PALS2: variants seen among roughly 807,000 people sequenced by gnomAD.
The protein encoded by PALS2 is protein PALS2.
PALS2 carries 27 observed loss-of-function variants against 61.6 expected under a neutral mutation model. The observed-to-expected ratio is 0.44, with a 90% CI of 0.32 to 0.60. The LOEUF (loss-of-function observed/expected upper bound fraction) is 0.60, where lower values mean the gene tolerates loss of function less well. Among genes scored for constraint, PALS2 ranks in the 20% least tolerant of loss-of-function variants. PALS2 has a pLI of 0.05. For missense variants in PALS2, 554 were observed against 639.4 expected (o/e 0.87, Z 1.44); for synonymous variants, 236 against 218.6 (o/e 1.08, Z -0.70).
chr7:24,590,632 C>T (rs1175399405), intron 1 of PALS2, among the ~76,000 whole-genome samples: 2 of 152,076 alleles, frequency 1.3e-5, no homozygotes, highest in Non-Finnish European at 2.9e-5. Flanking sequence ...TTAGACTACT[C>T]TTACAAAGTA....
At chr7:24,625,829 G>A (rs990943684) in intron 2 of PALS2, among the ~76,000 whole-genome samples, 5 of 152,026 alleles carry the variant, frequency 3.3e-5, no homozygotes, top group South Asian at 4.1e-4. Context: ...TCTTAATAAG[G>A]AAAAACAATG....
rs1192337746 is a variant in PALS2, at chr7:24,691,438, TATATATAC to T, written c.*3826_*3833del. 2 of 135,128 alleles carry T rather than the reference TATATATAC, an allele frequency of 1.5e-5. No individual in the cohort carries two copies. Among genetic ancestry groups the T allele is most frequent in the African/African-American group, 2.7e-5 (1 of 37,628 alleles). The allele number at this position is 135,128 out of a possible 1,614,324, so 8.4% of individuals were successfully genotyped here. A position where few individuals can be genotyped will look rare whatever the true frequency, so the allele number is the denominator to read the frequency against. ...ATATATATATATATATATATATATA[TATATATAC>T]AGCTATGTGTATAATATGTAAAATT... On this transcript the variant is annotated 3_prime_UTR_variant, in exon 12 of 12. Transcript: ENST00000222644.
chr7:24,630,496 AAAAAG>A (rs1197771634), intron 2 of PALS2, among the ~76,000 whole-genome samples: 1 of 152,082 alleles, frequency 6.6e-6, no homozygotes, highest in African/African-American at 2.4e-5. Flanking sequence ...AATTTTTAAA[AAAAAG>A]AAGAAGAAGC....
intron 9 of PALS2, among the ~76,000 whole-genome samples, chr7:24,678,094 G>C (rs112298468): frequency 2.9e-4 from 44 of 152,292 alleles, no homozygotes; most frequent in African/African-American, 1.0e-3. Flanking sequence ...ATCCGATCCA[G>C]CAAAGCCCAG....
chr7:24,645,372 G>A (rs1785779567), intron 3 of PALS2, among the ~76,000 whole-genome samples: 1 of 152,142 alleles, frequency 6.6e-6, no homozygotes, highest in African/African-American at 2.4e-5. Flanking sequence ...ATTGAATAGG[G>A]AGTCTTTTCC....
chr7:24,583,682 T>G (rs1782940403), intron 1 of PALS2, among the ~76,000 whole-genome samples: 1 of 151,620 alleles, frequency 6.6e-6, no homozygotes, highest in South Asian at 2.1e-4. Flanking sequence ...TTATTATACT[T>G]TAAGTTTTAG....
rs772998856 is a variant in PALS2, at chr7:24,679,304, C to T, written c.1288C>T (p.Arg430Trp). The T allele has an allele frequency of 3.1e-6, 5 of 1,613,980 alleles. No individual in the cohort carries two copies. Among genetic ancestry groups the T allele is most frequent in the African/African-American group, 1.3e-5 (1 of 75,020 alleles). The stretch of plus-strand genomic sequence containing the variant: ...TATTCTTGAGGTTGTCCAAACTGGA[C>T]GGACTTGCATTCTGGATGTCAACCC... ...DSILEVVQTG[R>W]TCILDVNPQA... Residue 430 changes from arginine (R) to tryptophan (W), a missense_variant, in exon 10 of 12, where the codon CGG becomes TGG. Coordinates refer to ENST00000222644, the MANE Select transcript of PALS2 (RefSeq NM_001303037.2).
chr7:24,607,474 C>A (rs1361288656), intron 1 of PALS2, among the ~76,000 whole-genome samples: 1 of 151,620 alleles, frequency 6.6e-6, no homozygotes, highest in Non-Finnish European at 1.5e-5. Context: ...CTCTCTCTCT[C>A]TCTCTCTGAA....
rs533711069 is a variant in PALS2, at chr7:24,656,784, A to G, written c.651+6072A>G. On this transcript the variant is annotated intron_variant, in intron 5 of 11. Transcript: ENST00000222644. Reference sequence around the variant, plus strand: ...TGTGCTCAAGCGATCTGCCTGCCTCAGCCTGCTAAAGTGCTAGGATTACCG... The same window carrying G: ...TGTGCTCAAGCGATCTGCCTGCCTCGGCCTGCTAAAGTGCTAGGATTACCG... Among the ~76,000 whole-genome samples, 23 of 152,124 alleles carry G rather than the reference A, an allele frequency of 1.5e-4. No homozygotes were observed. The South Asian group carries it at 4.6e-3, about 30-fold the overall frequency.
chr7:24,600,813 A>G (rs1184956208), intron 1 of PALS2, among the ~76,000 whole-genome samples: 2 of 152,184 alleles, frequency 1.3e-5, no homozygotes, highest in African/African-American at 2.4e-5. Context: ...TGTCTTCTCC[A>G]GGTTTCTGTC....
At chr7:24,580,202 T>C (rs1782786429) in intron 1 of PALS2, among the ~76,000 whole-genome samples, 1 of 152,188 alleles carries the variant, frequency 6.6e-6, no homozygotes, top group Admixed American at 6.5e-5. Flanking sequence ...TTTTGTTCTG[T>C]AGGTCATTTT....
At position 24,679,049 on chromosome 7, in the gene PALS2, G is replaced by A. The variant is rs534151285; in HGVS notation, c.1115-82G>A. 681 of 1,291,708 alleles carry A rather than the reference G, an allele frequency of 5.3e-4. 7 individuals carry two copies. The highest frequency in any genetic ancestry group is 1.2e-3 in the Admixed American group (68 of 54,698). 80.0% of individuals were successfully genotyped at this position (1,291,708 alleles called of 1,614,324 possible). On this transcript the variant is annotated intron_variant, in intron 9 of 11. Transcript: ENST00000222644. ...AGTTTGCTGCACCCAGTGGAAAAAC[G>A]TTAAGCCACCCTATGTATTTTAGTC...
intron 10 of PALS2, among the ~76,000 whole-genome samples, 159 bp downstream of exon 10, chr7:24,679,492 A>G (rs531764915): frequency 3.9e-5 from 6 of 152,328 alleles, no homozygotes; most frequent in African/African-American, 1.4e-4. Flanking sequence ...TTATGTATAC[A>G]TAGCTAGTTA....
chr7:24,640,731 G>A (rs1156814329), intron 2 of PALS2, among the ~76,000 whole-genome samples: 4 of 144,712 alleles, frequency 2.8e-5, no homozygotes, highest in African/African-American at 8.6e-5. Flanking sequence ...ACTTTCGGCC[G>A]AGGGCGGTGG....
At chr7:24,619,711 CTG>C (rs1292489881) in intron 1 of PALS2, among the ~76,000 whole-genome samples, 4 of 109,702 alleles carry the variant, frequency 3.6e-5, no homozygotes, top group Admixed American at 1.1e-4. Context: ...GAGCGAGACT[CTG>C]TCTCAAAAAA....
intron 11 of PALS2, among the ~76,000 whole-genome samples, chr7:24,681,162 C>A (rs1584007611): frequency 1.3e-5 from 2 of 152,032 alleles, no homozygotes; most frequent in East Asian, 3.9e-4. Context: ...TATGGTTTAT[C>A]ATTGGTAAAG....
At chr7:24,649,297 C>T (rs1030378264) in intron 3 of PALS2, among the ~76,000 whole-genome samples, 1 of 151,938 alleles carries the variant, frequency 6.6e-6, no homozygotes, top group African/African-American at 2.4e-5. Flanking sequence ...CAATAAAACC[C>T]AGTACCTTCA....
chr7:24,640,992 T>C (rs901350081), intron 2 of PALS2, among the ~76,000 whole-genome samples: 2 of 111,158 alleles, frequency 1.8e-5, no homozygotes, highest in Non-Finnish European at 3.3e-5. Flanking sequence ...TGGGCAACAG[T>C]GCGAGACTCC....
chr7:24,681,567 G>A (rs1389117083), intron 11 of PALS2, among the ~76,000 whole-genome samples: 1 of 147,648 alleles, frequency 6.8e-6, no homozygotes, highest in Non-Finnish European at 1.5e-5. Context: ...TTCAAATAAG[G>A]ATTCAAACAA....
Sources: allele counts gnomAD v4.1 joint callset (sites outside exome capture counted in the v4.1 genomes callset), GRCh38; gene constraint gnomAD v4.1.1; transcripts MANE v1.5; gene names NCBI Gene and HGNC (gene_info 2026-07-23, HGNC 2026-07-21).